The following NHSL1 variants were observed in gnomAD, a reference collection of about 807,000 sequenced individuals.
NHSL1 encodes NHS like 1, also known as NHS-like protein 1.
Under a neutral mutation model 95.0 loss-of-function variants are expected in NHSL1, and 48 were observed. The observed-to-expected ratio is 0.51, with a 90% confidence interval of 0.40 to 0.64. NHSL1 has a LOEUF of 0.64. Ranked by LOEUF, NHSL1 falls within the 30% of genes least tolerant of loss-of-function variation. The pLI is 0.00. For missense variants in NHSL1, 1,971 were observed against 2,077.7 expected (o/e 0.95, Z 1.00); for synonymous variants, 783 against 833.9 (o/e 0.94, Z 1.05).
intron 1 of NHSL1, among the ~76,000 whole-genome samples, chr6:138,611,856 TC>T (rs1324501688): frequency 2.0e-5 from 3 of 152,118 alleles, no homozygotes; most frequent in Non-Finnish European, 4.4e-5. Flanking sequence ...ATGCCTGTAA[TC>T]CCAGCACTTT....
intron 2 of NHSL1, among the ~76,000 whole-genome samples, chr6:138,492,742 G>A (rs1016888170): frequency 2.0e-5 from 3 of 152,108 alleles, no homozygotes; most frequent in African/African-American, 7.2e-5. Flanking sequence ...CATAAAAACT[G>A]ACAGACTAAT....
At chr6:138,588,172 A>G (rs1784166487) in intron 1 of NHSL1, among the ~76,000 whole-genome samples, 2 of 152,190 alleles carry the variant, frequency 1.3e-5, no homozygotes, top group South Asian at 4.1e-4. Context: ...AATAATAACA[A>G]TAATAACTGG....
intron 1 of NHSL1, among the ~76,000 whole-genome samples, chr6:138,568,539 G>T (rs1783705186): frequency 6.6e-6 from 1 of 152,116 alleles, no homozygotes; most frequent in Non-Finnish European, 1.5e-5. Context: ...TATCATACTA[G>T]GAATATAAGA....
In NHSL1 at chr6:138,430,513, C is replaced by T; in HGVS notation, c.3832G>A (p.Ala1278Thr). 1 of 1,551,506 alleles carries T rather than the reference C, an allele frequency of 6.4e-7. No individual in the cohort carries two copies. The highest frequency in any genetic ancestry group is 2.4e-5 in the East Asian group (1 of 40,896). ...AGSMSPSRVE[A>T]NVPMVQPDVS... ...TCAGGCTGAACCATGGGGACATTGG[C>T]TTCCACTCTGCTGGGAGACATGGAT... Residue 1278 changes from alanine (A) to threonine (T), a missense_variant, in exon 6 of 8, where the codon GCC becomes ACC. This residue lies in a region of NHSL1 where 1,602 missense variants were observed against 1,654.5 expected (regional missense o/e 0.97). Coordinates refer to ENST00000343505, the MANE Select transcript of NHSL1 (RefSeq NM_001144060.2). The surrounding 1 kb of genome is among the most constrained non-coding windows in gnomAD (Gnocchi z 4.7).
At chr6:138,583,399 C>A (rs1451842818) in intron 1 of NHSL1, among the ~76,000 whole-genome samples, 4 of 152,140 alleles carry the variant, frequency 2.6e-5, no homozygotes, top group African/African-American at 9.7e-5. Context: ...ACCACAGGCA[C>A]CTACTTGGGC....
chr6:138,623,447 T>A (rs939071129), intron 1 of NHSL1, among the ~76,000 whole-genome samples: 1 of 152,180 alleles, frequency 6.6e-6, no homozygotes, highest in Non-Finnish European at 1.5e-5. Flanking sequence ...CAACATGAAG[T>A]TTTGATATAT....
At chr6:138,434,567 C>A (rs1486315080) in intron 5 of NHSL1, among the ~76,000 whole-genome samples, 2 of 152,002 alleles carry the variant, frequency 1.3e-5, no homozygotes, top group African/African-American at 4.8e-5. Context: ...AAGACAAGAA[C>A]CTACCCAAAG....
intron 1 of NHSL1, among the ~76,000 whole-genome samples, chr6:138,498,616 T>C (rs929527696): frequency 6.6e-6 from 1 of 152,178 alleles, no homozygotes; most frequent in Non-Finnish European, 1.5e-5. Flanking sequence ...TTCAAGAGAA[T>C]GAAGAAGCAC....
chr6:138,559,395 C>T (rs1783327672), intron 1 of NHSL1, among the ~76,000 whole-genome samples: 1 of 152,224 alleles, frequency 6.6e-6, no homozygotes, highest in South Asian at 2.1e-4. Flanking sequence ...CTCGGTCCTG[C>T]TGCCAACTTT....
At chr6:138,464,634 GT>G (rs1345265798) in intron 3 of NHSL1, among the ~76,000 whole-genome samples, 38 of 150,062 alleles carry the variant, frequency 2.5e-4, no homozygotes, top group Non-Finnish European at 2.5e-4. Context: ...TCCTTCACTT[GT>G]TTTAATTGTG....
Position 138,610,005 on chromosome 6 carries a change from C to A in NHSL1, c.96+82471G>T, listed in dbSNP as rs144884196. 8.2e-4 allele frequency among the ~76,000 whole-genome samples: 125 copies of A among 152,190 alleles called. 2 individuals are homozygous for A. Among genetic ancestry groups the A allele is most frequent in the African/African-American group, 2.8e-3 (116 of 41,528 alleles). On this transcript the variant is annotated intron_variant, in intron 1 of 3. Coordinates refer to the NHSL1 transcript ENST00000491526. The stretch of plus-strand genomic sequence containing the variant: ...TGCATGATGCATCTTAGGCCCCCTG[C>A]CAAGCCTGAGGGTTTACAGGAAATT...
intron 3 of NHSL1, among the ~76,000 whole-genome samples, chr6:138,466,566 C>T (rs1410096329): frequency 6.6e-6 from 1 of 152,184 alleles, no homozygotes; most frequent in Non-Finnish European, 1.5e-5. Context: ...CACTTTCTAA[C>T]AGAGCAAAAT....
chr6:138,646,467 T>A (rs6933950), intron 1 of NHSL1, among the ~76,000 whole-genome samples: 15,976 of 151,894 alleles, frequency 0.11, 1,105 homozygotes, highest in African/African-American at 0.2. Flanking sequence ...ACAGCACTCC[T>A]GCCTGAGCGG....
chr6:138,639,943 A>C (rs1784939169), intron 1 of NHSL1, among the ~76,000 whole-genome samples: 2 of 151,036 alleles, frequency 1.3e-5, no homozygotes, highest in Non-Finnish European at 2.9e-5. Flanking sequence ...TTTTATCATA[A>C]ATACCTGATA....
At chr6:138,487,391 T>G (rs79373924) in intron 2 of NHSL1, among the ~76,000 whole-genome samples, 2 of 152,222 alleles carry the variant, frequency 1.3e-5, no homozygotes, top group Non-Finnish European at 2.9e-5. Context: ...ATCTTATCTC[T>G]GGCTAGCTTT....
At chr6:138,665,126 TTC>T (rs1785278104) in intron 1 of NHSL1, among the ~76,000 whole-genome samples, 1 of 152,240 alleles carries the variant, frequency 6.6e-6, no homozygotes, top group African/African-American at 2.4e-5. Context: ...ATTTTCCATC[TTC>T]TCTTTTTTTA....
At chr6:138,663,929 A>T (rs1220787127) in intron 1 of NHSL1, among the ~76,000 whole-genome samples, 2 of 152,236 alleles carry the variant, frequency 1.3e-5, no homozygotes, top group Non-Finnish European at 2.9e-5. Flanking sequence ...TTAACCACAG[A>T]TAATGAGGTT....
intron 1 of NHSL1, among the ~76,000 whole-genome samples, chr6:138,658,046 C>A (rs1785180169): frequency 6.6e-6 from 1 of 151,948 alleles, no homozygotes; most frequent in Admixed American, 6.6e-5. Context: ...TATCTACAGC[C>A]ATCTCCCGAA....
intron 1 of NHSL1, among the ~76,000 whole-genome samples, chr6:138,518,358 C>A (rs1425653789): frequency 3.3e-5 from 5 of 151,046 alleles, no homozygotes; most frequent in African/African-American, 4.9e-5. Flanking sequence ...TTTCCATGGA[C>A]TCTCTTTCTG....
Sources: allele counts gnomAD v4.1 joint callset (sites outside exome capture counted in the v4.1 genomes callset), GRCh38; gene constraint gnomAD v4.1.1; regional missense constraint gnomAD v4.1.1; non-coding constraint Gnocchi (gnomAD v3.1); transcripts MANE v1.5; gene names NCBI Gene and HGNC (gene_info 2026-07-23, HGNC 2026-07-21).